The following ACVR1B variants were observed in gnomAD, a reference collection of about 807,000 sequenced individuals.
ACVR1B encodes activin A receptor type 1B.
A neutral mutation model predicts 55.6 loss-of-function variants in ACVR1B; 15 were observed. The observed-to-expected ratio is 0.27, with a 90% confidence interval of 0.18 to 0.42. ACVR1B has a LOEUF of 0.42. Among genes scored for constraint, ACVR1B ranks in the 10% least tolerant of loss-of-function variants. The pLI is 1.00. For synonymous variants in ACVR1B, 247 were observed against 254.6 expected (o/e 0.97, Z 0.28); for missense variants, 359 against 670.1 (o/e 0.54, Z 5.13).
At chr12:51,954,094 AT>A (rs1290718551) in intron 1 of ACVR1B, among the ~76,000 whole-genome samples, 3 of 152,126 alleles carry the variant, frequency 2.0e-5, no homozygotes, top group Admixed American at 6.5e-5. Flanking sequence ...CAAGAAGTTG[AT>A]TTTTTTCCCC....
rs1202829092 is a variant in ACVR1B at position 51,995,970 on chromosome 12, G to C, written c.*1860G>C. On this transcript the variant is annotated 3_prime_UTR_variant, in exon 9 of 9. Transcript: ENST00000257963. ...GTGCTGGGAATACATCTGTGGACAA[G>C]ACATGCTTGGGTCCTACTCCTGGAG... is the stretch of plus-strand genomic sequence containing the variant. The C allele has an allele frequency of 1.3e-5, 2 of 152,666 alleles. No homozygotes were observed. The highest frequency in any genetic ancestry group is 2.9e-5 in the Non-Finnish European group (2 of 68,082). 9.5% of individuals were successfully genotyped at this position (152,666 alleles called of 1,614,324 possible).
Position 51,953,401 on chromosome 12 carries a change from G to C in ACVR1B, c.91+1567G>C, listed in dbSNP as rs943718829. On this transcript the variant is annotated intron_variant, in intron 1 of 8. Transcript: ENST00000257963. ...GGCTAATGCTTCTCCTAAGCACCTC[G>C]TGTGTGTTCTTCGGCCTCACTGCTC... The C allele has an allele frequency of 3.0e-6, 3 of 985,312 alleles. No individual in the cohort carries two copies. The African/African-American group carries it at 5.2e-5, about 17-fold the overall frequency. 61.0% of individuals were successfully genotyped at this position (985,312 alleles called of 1,614,324 possible). A position where few individuals can be genotyped will look rare whatever the true frequency, so the allele number is the denominator to read the frequency against.
chr12:51,971,249 C>A (rs538759466), intron 1 of ACVR1B, among the ~76,000 whole-genome samples: 2 of 152,352 alleles, frequency 1.3e-5, no homozygotes, highest in African/African-American at 4.8e-5. Flanking sequence ...GCATTTACAT[C>A]CTACCACAAA....
chr12:51,954,265 A>T (rs798210), intron 1 of ACVR1B, among the ~76,000 whole-genome samples: 1 of 152,106 alleles, frequency 6.6e-6, no homozygotes, highest in African/African-American at 2.4e-5. Context: ...AAGGCCAGTG[A>T]TAAGGAGAAT....
chr12:51,987,611 TAA>T (rs1167782877), intron 7 of ACVR1B: 1 of 165,184 alleles, frequency 6.1e-6, no homozygotes, highest in African/African-American at 2.4e-5. Context: ...ATCTGTGATA[TAA>T]GAGATTCCAG....
intron 1 of ACVR1B, among the ~76,000 whole-genome samples, chr12:51,965,079 TTACTC>T (rs1941614393): frequency 1.3e-5 from 2 of 152,212 alleles, no homozygotes; most frequent in South Asian, 2.1e-4. Flanking sequence ...GATCATATGT[TTACTC>T]TATGTGTAAT....
At chr12:51,960,342 A>C (rs1941494916) in intron 1 of ACVR1B, among the ~76,000 whole-genome samples, 1 of 152,214 alleles carries the variant, frequency 6.6e-6, no homozygotes, top group Admixed American at 6.5e-5. Flanking sequence ...GGATAGCTTG[A>C]GACCAGGAGA....
At chr12:51,968,700 G>T (rs1487592487) in intron 1 of ACVR1B, among the ~76,000 whole-genome samples, 4 of 152,152 alleles carry the variant, frequency 2.6e-5, no homozygotes, top group Non-Finnish European at 5.9e-5. Flanking sequence ...TTGGGTTCTT[G>T]CTCTGGAGAA....
chr12:51,983,953 G>A (rs928175168), intron 4 of ACVR1B, 46 bp from the exon 5 acceptor site: 11 of 1,605,572 alleles, frequency 6.9e-6, no homozygotes, highest in Non-Finnish European at 8.5e-6. Context: ...TCACTGTTTT[G>A]CTGATAGTTA....
intron 6 of ACVR1B, among the ~76,000 whole-genome samples, chr12:51,986,107 A>C (rs1469110482): frequency 6.6e-6 from 1 of 152,286 alleles, no homozygotes; most frequent in South Asian, 2.1e-4. Context: ...TCGGAATGAA[A>C]CTTAAGCTCA....
At chr12:51,970,986 C>T (rs1382244997) in intron 1 of ACVR1B, among the ~76,000 whole-genome samples, 1 of 152,074 alleles carries the variant, frequency 6.6e-6, no homozygotes, top group African/African-American at 2.4e-5. Flanking sequence ...TCACAGGGGG[C>T]GCCATCATGC....
chr12:51,985,975 C>T (rs1249674272), intron 6 of ACVR1B, among the ~76,000 whole-genome samples: 1 of 152,114 alleles, frequency 6.6e-6, no homozygotes, highest in Admixed American at 6.5e-5. Flanking sequence ...ATTGTGGGGG[C>T]TGGGGTGGCT....
intron 1 of ACVR1B, among the ~76,000 whole-genome samples, chr12:51,963,446 G>A (rs552702414): frequency 7.9e-5 from 12 of 152,170 alleles, no homozygotes; most frequent in Non-Finnish European, 1.0e-4. Flanking sequence ...GGGTTTCACC[G>A]TGTTGGCCAG....
intron 2 of ACVR1B, 64 bp downstream of exon 2, chr12:51,975,568 T>A (rs879708569): frequency 6.5e-5 from 102 of 1,563,730 alleles, no homozygotes; most frequent in Non-Finnish European, 7.8e-5. Context: ...GTCATTTCAT[T>A]TTTTTCTACT....
In ACVR1B at chr12:51,963,393, C is replaced by T. The variant is rs550234602; in HGVS notation, c.91+11559C>T. 3.4e-3 allele frequency among the ~76,000 whole-genome samples: 515 copies of T among 152,192 alleles called. 9 individuals are homozygous for T. The highest frequency in any genetic ancestry group is 9.7e-4 in the East Asian group (5 of 5,158). On this transcript the variant is annotated intron_variant, in intron 1 of 8. Transcript: ENST00000257963. The stretch of plus-strand genomic sequence containing the variant: ...CTGAGTAGCTGGGATTACAGGCATG[C>T]GCCACCGCGCCCAGTTAATGTTTTG...
intron 1 of ACVR1B, among the ~76,000 whole-genome samples, chr12:51,968,813 A>T (rs976932779): frequency 6.6e-6 from 1 of 152,164 alleles, no homozygotes; most frequent in Non-Finnish European, 1.5e-5. Flanking sequence ...AAAATCCAAA[A>T]TTTTTTTAGC....
chr12:51,976,946 G>A (rs1941870714), intron 3 of ACVR1B, among the ~76,000 whole-genome samples: 1 of 152,172 alleles, frequency 6.6e-6, no homozygotes, highest in Non-Finnish European at 1.5e-5. Flanking sequence ...CTGTGAGGTG[G>A]TGACAGCTAA....
At chr12:51,966,071 AAAG>A (rs1941635150) in intron 1 of ACVR1B, among the ~76,000 whole-genome samples, 1 of 150,258 alleles carries the variant, frequency 6.7e-6, no homozygotes, top group Admixed American at 6.7e-5. Context: ...ACTAAAAAAA[AAAG>A]AAAGAAAGAA....
chr12:51,968,926 A>G (rs542674960), intron 1 of ACVR1B, among the ~76,000 whole-genome samples: 2 of 152,204 alleles, frequency 1.3e-5, no homozygotes, highest in African/African-American at 4.8e-5. Flanking sequence ...AAAATCCCCC[A>G]AAATCAGAAA....
Sources: allele counts gnomAD v4.1 joint callset (sites outside exome capture counted in the v4.1 genomes callset), GRCh38; gene constraint gnomAD v4.1.1; transcripts MANE v1.5; gene names NCBI Gene and HGNC (gene_info 2026-07-23, HGNC 2026-07-21).